RBFOX1: variants seen among roughly 807,000 people sequenced by gnomAD.
The protein encoded by RBFOX1 is RNA binding fox-1 homolog 1.
In RBFOX1, 8 loss-of-function variants were observed where a neutral mutation model predicts 57.7. The observed-to-expected ratio is 0.14, with a 90% CI of 0.08 to 0.25. The LOEUF is 0.25. Ranked by LOEUF, RBFOX1 falls within the 10% of genes least tolerant of loss-of-function variation. The pLI is 1.00. For synonymous variants in RBFOX1, 326 were observed against 222.4 expected (o/e 1.47, Z -4.15); for missense variants, 611 against 548.5 (o/e 1.11, Z -1.14).
At chr16:7,179,363 A>T (rs1231743285) in intron 4 of RBFOX1, among the ~76,000 whole-genome samples, 2 of 152,130 alleles carry the variant, frequency 1.3e-5, no homozygotes, top group African/African-American at 4.8e-5. Flanking sequence ...AGAGAACATA[A>T]TTCTAAAAAT....
At chr16:7,517,759 C>T (rs972261331) in intron 4 of RBFOX1, among the ~76,000 whole-genome samples, 4 of 151,260 alleles carry the variant, frequency 2.6e-5, no homozygotes, top group African/African-American at 9.7e-5. Flanking sequence ...CAAGGTTCTG[C>T]TGTCACTGCA....
In RBFOX1 at chr16:5,564,121, C is replaced by G. The variant is rs555432567; in HGVS notation, c.259-34781C>G. On this transcript the variant is annotated intron_variant, in intron 2 of 2. Transcript: ENST00000585867. ...CTCCACCTCCCAGGTTCAAGCGATT[C>G]TCCTGCCTCAGCATCCAGATAGCTG... 3.9e-5 allele frequency among the ~76,000 whole-genome samples: 6 copies of G among 152,272 alleles called. No homozygotes were observed. In the East Asian group the frequency reaches 9.7e-4, roughly 25 times the overall value.
At chr16:6,348,645 G>A (rs2085776404) in intron 2 of RBFOX1, among the ~76,000 whole-genome samples, 1 of 152,204 alleles carries the variant, frequency 6.6e-6, no homozygotes, top group South Asian at 2.1e-4. Flanking sequence ...AGGCAAAGCA[G>A]GAGGAGGCAT....
intron 4 of RBFOX1, among the ~76,000 whole-genome samples, chr16:7,279,422 T>C (rs1361761059): frequency 2.6e-5 from 4 of 152,204 alleles, no homozygotes; most frequent in Non-Finnish European, 5.9e-5. Context: ...CCAGGCTTTC[T>C]GTTACTCGTT....
At chr16:6,959,021 ACAGT>A (rs751574075) in intron 3 of RBFOX1, among the ~76,000 whole-genome samples, 2 of 152,152 alleles carry the variant, frequency 1.3e-5, no homozygotes, top group Admixed American at 6.5e-5. Flanking sequence ...ATCATAATGG[ACAGT>A]CATTTTTCAG....
At chr16:6,379,789 C>G (rs1024945782) in intron 2 of RBFOX1, among the ~76,000 whole-genome samples, 1 of 151,792 alleles carries the variant, frequency 6.6e-6, no homozygotes. Flanking sequence ...TAGAGACAGT[C>G]AGTTCCACTA....
At chr16:5,870,972 A>T (rs956761754) in intron 4 of RBFOX1, among the ~76,000 whole-genome samples, 1 of 152,160 alleles carries the variant, frequency 6.6e-6, no homozygotes, top group African/African-American at 2.4e-5. Context: ...TGACAAACCC[A>T]CAGAATCAGT....
chr16:6,542,092 A>T (rs1182312159), intron 2 of RBFOX1, among the ~76,000 whole-genome samples: 1 of 151,904 alleles, frequency 6.6e-6, no homozygotes, highest in Non-Finnish European at 1.5e-5. Context: ...TCACACAGAG[A>T]TAACTTTTTT....
chr16:6,595,179 G>T (rs1269990086), intron 2 of RBFOX1, among the ~76,000 whole-genome samples: 1 of 152,104 alleles, frequency 6.6e-6, no homozygotes, highest in East Asian at 1.9e-4. Flanking sequence ...GCTCCAGAAA[G>T]ACACGTTGTC....
chr16:7,344,391 T>C (rs986589061), intron 4 of RBFOX1, among the ~76,000 whole-genome samples: 1 of 149,964 alleles, frequency 6.7e-6, no homozygotes, highest in Non-Finnish European at 1.5e-5. Flanking sequence ...ATTCATAAGA[T>C]ATAATGCAAT....
intron 4 of RBFOX1, among the ~76,000 whole-genome samples, chr16:7,350,076 G>A (rs557979758): frequency 7.2e-5 from 11 of 152,266 alleles, no homozygotes; most frequent in Middle Eastern, 3.4e-3. Context: ...GAACTTGGGA[G>A]GCAGAGGTTG....
At chr16:7,353,448 C>T (rs948738591) in intron 4 of RBFOX1, among the ~76,000 whole-genome samples, 8 of 152,148 alleles carry the variant, frequency 5.3e-5, no homozygotes, top group African/African-American at 1.7e-4. Context: ...CCCAGCAATT[C>T]TGCTCCTAGG....
At chr16:5,906,949 C>T (rs1165427135) in intron 4 of RBFOX1, among the ~76,000 whole-genome samples, 2 of 151,944 alleles carry the variant, frequency 1.3e-5, no homozygotes, top group East Asian at 1.9e-4. Context: ...GTTGGTCAGG[C>T]TGGTCTTGAA....
intron 2 of RBFOX1, among the ~76,000 whole-genome samples, chr16:6,392,585 A>G (rs1166206812): frequency 6.6e-6 from 1 of 152,200 alleles, no homozygotes; most frequent in Non-Finnish European, 1.5e-5. Context: ...TCCTGATGGA[A>G]TATGGTAATA....
chr16:5,865,869 G>A (rs1408873637), intron 3 of RBFOX1, among the ~76,000 whole-genome samples: 1 of 152,116 alleles, frequency 6.6e-6, no homozygotes, highest in Non-Finnish European at 1.5e-5. Context: ...CCTTCTTGCT[G>A]TGTCTGCATG....
chr16:6,471,035 C>G (rs2095162596), intron 2 of RBFOX1, among the ~76,000 whole-genome samples: 1 of 152,152 alleles, frequency 6.6e-6, no homozygotes, highest in Admixed American at 6.5e-5. Context: ...ATGACTGTTC[C>G]ATTTTCTTAT....
At chr16:7,598,128 C>G (rs1273238894) in intron 9 of RBFOX1, among the ~76,000 whole-genome samples, 1 of 152,098 alleles carries the variant, frequency 6.6e-6, no homozygotes, top group Non-Finnish European at 1.5e-5. Flanking sequence ...AAATAAGTAT[C>G]TCTTAAGATA....
At chr16:7,548,634 C>T (rs776874462) in intron 5 of RBFOX1, among the ~76,000 whole-genome samples, 1 of 152,038 alleles carries the variant, frequency 6.6e-6, no homozygotes, top group Non-Finnish European at 1.5e-5. Flanking sequence ...GGGGCAGGAG[C>T]GGGGGGGCAG....
At chr16:5,407,749 G>A (rs139899448) in intron 1 of RBFOX1, among the ~76,000 whole-genome samples, 3 of 152,230 alleles carry the variant, frequency 2.0e-5, no homozygotes, top group Non-Finnish European at 2.9e-5. Context: ...GGGTTTCACT[G>A]TGTTGGCCAG....
Sources: gnomAD v4.1 joint callset for allele counts (sites outside exome capture counted in the v4.1 genomes callset) on GRCh38, gnomAD v4.1.1 for gene constraint, MANE v1.5 for transcripts, NCBI Gene and HGNC (gene_info 2026-07-23, HGNC 2026-07-21) for gene names.